Variants in NGF observed in about 807,000 individuals in gnomAD.
NGF encodes nerve growth factor, also known as beta-nerve growth factor.
In NGF, 4 loss-of-function variants were observed where a neutral mutation model predicts 12.8. That is an observed-to-expected ratio of 0.31 (90% CI 0.15 to 0.72). NGF has a LOEUF of 0.72. Ranked by LOEUF, NGF falls within the 30% of genes least tolerant of loss-of-function variation. The pLI, the probability that NGF is intolerant of heterozygous loss-of-function variation, is 0.69. For synonymous variants in NGF, 140 were observed against 130.0 expected, an observed-to-expected ratio of 1.08 and a Z score of -0.52; for missense variants, 283 against 330.8, an observed-to-expected ratio of 0.86 and a Z score of 1.12.
chr1:115,300,324 C>T (rs1653998509), intron 1 of NGF, among the ~76,000 whole-genome samples: 1 of 152,124 alleles, frequency 6.6e-6, no homozygotes, highest in Non-Finnish European at 1.5e-5. Context: ...GCAGTCCATC[C>T]TTCAATTAAG....
At chr1:115,322,954 C>A (rs1338932809) in intron 1 of NGF, among the ~76,000 whole-genome samples, 1 of 152,148 alleles carries the variant, frequency 6.6e-6, no homozygotes, top group Non-Finnish European at 1.5e-5. Context: ...AGGATAGCTA[C>A]CATTTGTTGA....
At chr1:115,322,160 G>T (rs1275997044) in intron 1 of NGF, among the ~76,000 whole-genome samples, 1 of 152,216 alleles carries the variant, frequency 6.6e-6, no homozygotes, top group Admixed American at 6.5e-5. Flanking sequence ...GAGAAACCTT[G>T]TCTCTGGAAT....
chr1:115,305,249 TCATTAAAAATC>T (rs1281582275), intron 1 of NGF, among the ~76,000 whole-genome samples: 1 of 152,206 alleles, frequency 6.6e-6, no homozygotes, highest in Non-Finnish European at 1.5e-5. Context: ...TTTAAAATAC[TCATTAAAAATC>T]TTTTGAGGTT....
At chr1:115,324,573 A>G (rs1217416769) in intron 1 of NGF, among the ~76,000 whole-genome samples, 2 of 152,068 alleles carry the variant, frequency 1.3e-5, no homozygotes, top group African/African-American at 4.8e-5. Flanking sequence ...CTCTTCCATC[A>G]GAGCCTGGAC....
chr1:115,327,564 T>A (rs542282660), intron 1 of NGF, among the ~76,000 whole-genome samples: 2 of 152,360 alleles, frequency 1.3e-5, no homozygotes, highest in South Asian at 4.1e-4. Context: ...GGAAAGGTAA[T>A]TCGTTTCATG....
intron 2 of NGF, among the ~76,000 whole-genome samples, chr1:115,289,853 C>T (rs1180021496): frequency 6.6e-6 from 1 of 152,174 alleles, no homozygotes; most frequent in Non-Finnish European, 1.5e-5. Flanking sequence ...TTTTTCCTCC[C>T]TGACCTCCAT....
intron 2 of NGF, among the ~76,000 whole-genome samples, chr1:115,292,643 C>T (rs549782283): frequency 6.6e-6 from 1 of 152,148 alleles, no homozygotes. Context: ...CTCAGCTTTG[C>T]TATCTTTTAG....
chr1:115,323,655 C>G (rs1201051618), intron 1 of NGF, among the ~76,000 whole-genome samples: 1 of 152,200 alleles, frequency 6.6e-6, no homozygotes, highest in Admixed American at 6.5e-5. Flanking sequence ...CATTATATCA[C>G]TCTGTAGACC....
chr1:115,309,151 A>T (rs1430080470), intron 1 of NGF, among the ~76,000 whole-genome samples: 2 of 152,192 alleles, frequency 1.3e-5, no homozygotes, highest in African/African-American at 4.8e-5. Flanking sequence ...TTTGCACTCT[A>T]ATAAGACCCC....
intron 1 of NGF, among the ~76,000 whole-genome samples, chr1:115,310,137 T>C (rs1268883433): frequency 6.6e-6 from 1 of 152,192 alleles, no homozygotes; most frequent in Non-Finnish European, 1.5e-5. Flanking sequence ...TCTAGTGCAG[T>C]ATGGGGGCAA....
rs760233445 is a variant in NGF, at chr1:115,286,069, G to C, written c.*1C>G. On this transcript the variant is annotated 3_prime_UTR_variant, in exon 3 of 3. Transcript: ENST00000369512. The stretch of plus-strand genomic sequence containing the variant: ...GCAGGGGGAGGGAGCGTGTCGGCAG[G>C]TCAGGCTCTTCTCACAGCCTTCCTG... 4 of 1,613,148 alleles carry C rather than the reference G, an allele frequency of 2.5e-6. No individual in the cohort carries two copies. Among genetic ancestry groups the C allele is most frequent in the Non-Finnish European group, 3.4e-6 (4 of 1,179,690 alleles).
chr1:115,332,138 A>G (rs1654938397), intron 1 of NGF, among the ~76,000 whole-genome samples: 2 of 152,232 alleles, frequency 1.3e-5, no homozygotes, highest in African/African-American at 4.8e-5. Flanking sequence ...TGTTACGTGG[A>G]GTAAGGAAGC....
intron 1 of NGF, among the ~76,000 whole-genome samples, chr1:115,320,678 T>C (rs1031695596): frequency 6.6e-6 from 1 of 152,234 alleles, no homozygotes; most frequent in Non-Finnish European, 1.5e-5. Context: ...AAATTTACCA[T>C]TTAATATTTT....
intron 2 of NGF, among the ~76,000 whole-genome samples, chr1:115,292,362 C>T (rs1244401975): frequency 3.3e-5 from 5 of 152,126 alleles, no homozygotes; most frequent in Non-Finnish European, 7.3e-5. Flanking sequence ...TCAGAATCAC[C>T]TGGAGAGTTT....
chr1:115,290,756 C>G (rs1653670549), intron 2 of NGF, among the ~76,000 whole-genome samples: 1 of 152,122 alleles, frequency 6.6e-6, no homozygotes, highest in East Asian at 1.9e-4. Flanking sequence ...TTTTATCCTC[C>G]CTTCTAGAGG....
chr1:115,322,695 A>T (rs1298976848), intron 1 of NGF, among the ~76,000 whole-genome samples: 2 of 152,152 alleles, frequency 1.3e-5, no homozygotes, highest in African/African-American at 4.8e-5. Flanking sequence ...ACCATTTTAT[A>T]AGCATTGCTA....
chr1:115,286,892 C>T (rs1378478699), intron 2 of NGF, 85 bp from the exon 3 acceptor site: 4 of 1,515,584 alleles, frequency 2.6e-6, no homozygotes, highest in South Asian at 2.3e-5. Flanking sequence ...GAGTTGACCT[C>T]CCAAGGGGAT....
intron 1 of NGF, among the ~76,000 whole-genome samples, chr1:115,299,345 G>C (rs909438842): frequency 6.6e-6 from 1 of 152,174 alleles, no homozygotes; most frequent in Non-Finnish European, 1.5e-5. Context: ...CTTCCCCAGA[G>C]AGTCAGACAG....
In NGF at chr1:115,333,702, T is replaced by C. The variant is rs867295828; in HGVS notation, c.-137+4502A>G. Among the ~76,000 whole-genome samples, 291 of 62,736 alleles carry C rather than the reference T, an allele frequency of 4.6e-3. 2 individuals carry two copies. The highest frequency in any genetic ancestry group is 6.3e-3 in the Non-Finnish European group (229 of 36,598). The allele number at this position is 62,736 out of a possible 152,430, so 41.2% of individuals were successfully genotyped here. A position where few individuals can be genotyped will look rare whatever the true frequency, so the allele number is the denominator to read the frequency against. On this transcript the variant is annotated intron_variant, in intron 1 of 2. Transcript: ENST00000369512. ...CTTTCTTTCTTTCTTTCTTTCTTTC[T>C]TTCTTTCTTTCTTTTCTTTCTTTCC... is the stretch of plus-strand genomic sequence containing the variant.
Sources: gnomAD v4.1 joint callset for allele counts (sites outside exome capture counted in the v4.1 genomes callset) on GRCh38, gnomAD v4.1.1 for gene constraint, MANE v1.5 for transcripts, NCBI Gene and HGNC (gene_info 2026-07-23, HGNC 2026-07-21) for gene names.